RXRA: variants seen among roughly 807,000 people sequenced by gnomAD.
RXRA encodes the protein retinoic acid receptor RXR-alpha.
In RXRA, 5 loss-of-function variants were observed where a neutral mutation model predicts 44.5. The observed-to-expected ratio is 0.11, with a 90% confidence interval of 0.06 to 0.24. The LOEUF is 0.24. Ranked by LOEUF, RXRA falls within the 10% of genes least tolerant of loss-of-function variation. The pLI is 1.00. For missense variants in RXRA, 412 were observed against 646.5 expected (o/e 0.64, Z 3.93); for synonymous variants, 291 against 271.4 (o/e 1.07, Z -0.71).
intron 1 of RXRA, among the ~76,000 whole-genome samples, chr9:134,384,117 G>A (rs1323280616): frequency 6.6e-6 from 1 of 151,788 alleles, no homozygotes; most frequent in African/African-American, 2.4e-5. Context: ...GTCACCCTGT[G>A]GGGGGAGTCC....
rs139293942 is a variant in RXRA, at chr9:134,363,298, C to T, written c.28+36639C>T. 9.1e-3 allele frequency among the ~76,000 whole-genome samples: 1,380 copies of T among 152,326 alleles called. 9 individuals are homozygous for T. Among genetic ancestry groups the T allele is most frequent in the Non-Finnish European group, 0.015 (1,009 of 68,022 alleles). On this transcript the variant is annotated intron_variant, in intron 1 of 9. Transcript: ENST00000481739. Reference sequence around the variant, plus strand: ...CCAGTCCAGCATGTGGCAGGGCCGTCGGGCCTCAGAGGTGTCCCCTCACTC... The same window carrying T: ...CCAGTCCAGCATGTGGCAGGGCCGTTGGGCCTCAGAGGTGTCCCCTCACTC...
In RXRA at chr9:134,433,637, G is replaced by A. The variant is rs190986213; in HGVS notation, c.1136-465G>A. Among the ~76,000 whole-genome samples the A allele has an allele frequency of 8.9e-4, 136 of 152,186 alleles. No homozygotes were observed. Among genetic ancestry groups the A allele is most frequent in the Admixed American group, 8.6e-3 (132 of 15,298 alleles). ...GCCCGGGTCCTGAGCTCAGGACTCC[G>A]CAAGCACACCGAGGATGGGTTTCCG... On this transcript the variant is annotated intron_variant, in intron 8 of 9. Coordinates refer to ENST00000481739, the MANE Select transcript of RXRA (RefSeq NM_002957.6). This position sits in a 1 kb window ranked among gnomAD's most constrained non-coding sequence, Gnocchi z 4.2.
rs1027133490 is a variant in RXRA at position 134,327,833 on chromosome 9, C to T, written c.28+1174C>T. Among the ~76,000 whole-genome samples, 3 of 152,258 alleles carry T rather than the reference C, an allele frequency of 2.0e-5. No homozygotes were observed. The East Asian group carries it at 5.8e-4, about 29-fold the overall frequency. ...ACAGGCAGGTGTGCTGCCCCGTGAC[C>T]GGGGCAGGCGGTGGGTTCCAGGTTT... On this transcript the variant is annotated intron_variant, in intron 1 of 9. Transcript: ENST00000481739.
intron 1 of RXRA, among the ~76,000 whole-genome samples, chr9:134,358,055 C>T (rs557342300): frequency 9.2e-5 from 14 of 152,364 alleles, no homozygotes; most frequent in African/African-American, 2.4e-4. Flanking sequence ...CTCGCTGGCC[C>T]GAGGGCTGGC....
chr9:134,368,039 C>T (rs535098671), intron 1 of RXRA, among the ~76,000 whole-genome samples: 5 of 152,386 alleles, frequency 3.3e-5, no homozygotes, highest in South Asian at 2.1e-4. Flanking sequence ...GCATGCTCTC[C>T]GCTCTGGAGG....
chr9:134,369,319 T>C, intron 1 of RXRA, among the ~76,000 whole-genome samples: 1 of 61,618 alleles, frequency 1.6e-5, no homozygotes, highest in Non-Finnish European at 2.8e-5. Flanking sequence ...GCAGGGGTTG[T>C]GTGTGTGGGG....
At position 134,368,855 on chromosome 9, in the gene RXRA, AGTGTGTGAGTGCAGGGGTTAT is replaced by A. The variant is rs376940145; in HGVS notation, c.29-32748_29-32728del. On this transcript the variant is annotated intron_variant, in intron 1 of 9. Coordinates refer to ENST00000481739, the MANE Select transcript of RXRA (RefSeq NM_002957.6). ...GTGTGACTGCATATGTGTGTGTGAAAGTGTGTGAGTGCAGGGGTTATGTGTGTGAGTGCAGGGGTTATGTGT... is the reference window on the plus strand; with the variant it reads ...GTGTGACTGCATATGTGTGTGTGAAAGTGTGTGAGTGCAGGGGTTATGTGT... Among the ~76,000 whole-genome samples, 901 of 123,206 alleles carry A rather than the reference AGTGTGTGAGTGCAGGGGTTAT, an allele frequency of 7.3e-3. 3 individuals are homozygous for A. The highest frequency in any genetic ancestry group is 0.029 in the Middle Eastern group (5 of 170). The allele number at this position is 123,206 out of a possible 152,430, so 80.8% of individuals were successfully genotyped here. A position where few individuals can be genotyped will look rare whatever the true frequency, so the allele number is the denominator to read the frequency against.
Position 134,366,433 on chromosome 9 carries a change from C to T in RXRA, c.29-35199C>T, listed in dbSNP as rs968713763. On this transcript the variant is annotated intron_variant, in intron 1 of 9. Coordinates refer to ENST00000481739, the MANE Select transcript of RXRA (RefSeq NM_002957.6). This position sits in a 1 kb window ranked among gnomAD's most constrained non-coding sequence, Gnocchi z 5.9. ...GGGCTGCTCCAGTCTCTTACACCAG[C>T]GCATCTGCAACTCATTACACAGCGG... Among the ~76,000 whole-genome samples, 38 of 152,312 alleles carry T rather than the reference C, an allele frequency of 2.5e-4. No individual in the cohort carries two copies. Among genetic ancestry groups the T allele is most frequent in the Admixed American group, 4.6e-4 (7 of 15,308 alleles).
At chr9:134,394,052 G>A (rs891061203) in intron 1 of RXRA, among the ~76,000 whole-genome samples, 1 of 150,542 alleles carries the variant, frequency 6.6e-6, no homozygotes, top group African/African-American at 2.4e-5. Context: ...GCTTCAGCCT[G>A]CCATCTGCAC....
intron 4 of RXRA, among the ~76,000 whole-genome samples, chr9:134,411,403 G>C (rs1197520003): frequency 6.6e-6 from 1 of 152,192 alleles, no homozygotes; most frequent in African/African-American, 2.4e-5. Context: ...AGCAGCTCAT[G>C]TGGGGGACCA....
At chr9:134,363,917 A>G (rs1830383650) in intron 1 of RXRA, among the ~76,000 whole-genome samples, 1 of 152,168 alleles carries the variant, frequency 6.6e-6, no homozygotes, top group African/African-American at 2.4e-5. Flanking sequence ...CCTCCCCTAA[A>G]AACTGTACAG....
chr9:134,368,977 A>G (rs1296059479), intron 1 of RXRA, among the ~76,000 whole-genome samples: 402 of 44,590 alleles, frequency 9.0e-3, no homozygotes, highest in Middle Eastern at 0.024. Flanking sequence ...GTGTGGGGTT[A>G]TGTGTGTGTG....
intron 5 of RXRA, 112 bp from the exon 6 acceptor site, chr9:134,421,564 G>C: frequency 8.1e-7 from 1 of 1,236,878 alleles, no homozygotes; most frequent in Non-Finnish European, 1.1e-6. Flanking sequence ...TTTGGGGGCC[G>C]TATTCAGCGT....
intron 5 of RXRA, 95 bp from the exon 6 acceptor site, chr9:134,421,581 T>C (rs1223040994): frequency 2.9e-6 from 4 of 1,374,384 alleles, no homozygotes; most frequent in African/African-American, 1.4e-5. Flanking sequence ...GCGTCCTGCA[T>C]GGGCCCAGCG....
chr9:134,428,404 T>C (rs1296741614), intron 6 of RXRA, among the ~76,000 whole-genome samples: 1 of 128,230 alleles, frequency 7.8e-6, no homozygotes, highest in Non-Finnish European at 1.6e-5. Context: ...AGGCTGCTGT[T>C]ACCTAACCAC....
At chr9:134,340,518 C>T (rs188443922) in intron 1 of RXRA, among the ~76,000 whole-genome samples, 26 of 152,232 alleles carry the variant, frequency 1.7e-4, no homozygotes, top group Admixed American at 4.6e-4. Flanking sequence ...GTGGGGCTCA[C>T]GTGGCACCGG....
chr9:134,360,544 C>A (rs529727031), intron 1 of RXRA, among the ~76,000 whole-genome samples: 15 of 152,372 alleles, frequency 9.8e-5, no homozygotes, highest in Admixed American at 6.5e-4. Flanking sequence ...GCCGTGCCAG[C>A]GCCCCTTCCG....
intron 1 of RXRA, among the ~76,000 whole-genome samples, chr9:134,377,383 C>T (rs932902557): frequency 6.6e-6 from 1 of 152,178 alleles, no homozygotes. Flanking sequence ...AGGCCTGGAG[C>T]ATGGGAGGCC....
intron 1 of RXRA, among the ~76,000 whole-genome samples, chr9:134,363,699 A>T (rs945091674): frequency 6.6e-6 from 1 of 152,170 alleles, no homozygotes; most frequent in African/African-American, 2.4e-5. Flanking sequence ...CTGCCTGAGC[A>T]CTGCCTGTGC....
Sources: gnomAD v4.1 joint callset for allele counts (sites outside exome capture counted in the v4.1 genomes callset) on GRCh38, gnomAD v4.1.1 for gene constraint, Gnocchi (gnomAD v3.1) non-coding constraint, MANE v1.5 for transcripts, NCBI Gene and HGNC (gene_info 2026-07-23, HGNC 2026-07-21) for gene names.